MCC: variants seen among roughly 807,000 people sequenced by gnomAD.
MCC encodes colorectal mutant cancer protein.
MCC carries 90 observed loss-of-function variants against 116.2 expected under a neutral mutation model. The observed-to-expected ratio is 0.77, with a 90% CI of 0.65 to 0.92. The LOEUF (loss-of-function observed/expected upper bound fraction) is 0.92, where lower values mean the gene tolerates loss of function less well. MCC is among the 40% of genes least tolerant of loss of function. The pLI is 0.00. For synonymous variants in MCC, 578 were observed against 510.5 expected, an observed-to-expected ratio of 1.13 and a Z score of -1.78; for missense variants, 1,516 against 1,312.2, an observed-to-expected ratio of 1.16 and a Z score of -2.40.
chr5:113,468,671 T>C (rs1223744801), intron 1 of MCC, among the ~76,000 whole-genome samples: 2 of 152,238 alleles, frequency 1.3e-5, no homozygotes, highest in East Asian at 1.9e-4. Context: ...TGCCCGGCTT[T>C]GGTATCAAGA....
intron 8 of MCC, among the ~76,000 whole-genome samples, chr5:113,094,075 G>C (rs1290559357): frequency 2.0e-5 from 3 of 149,808 alleles, no homozygotes; most frequent in African/African-American, 7.4e-5. Flanking sequence ...TCCAGGGTTT[G>C]TAGATATTTT....
intron 3 of MCC, among the ~76,000 whole-genome samples, chr5:113,290,054 T>C (rs1158404247): frequency 6.6e-6 from 1 of 152,252 alleles, no homozygotes; most frequent in Non-Finnish European, 1.5e-5. Flanking sequence ...ACAGCACAGC[T>C]GCGAGCTGGC....
intron 5 of MCC, among the ~76,000 whole-genome samples, chr5:113,129,206 A>G (rs896041917): frequency 2.6e-5 from 4 of 152,284 alleles, no homozygotes; most frequent in African/African-American, 4.8e-5. Flanking sequence ...AGAGTTTAGG[A>G]TAGGAGCCCA....
chr5:113,402,167 G>A (rs1408710460), intron 1 of MCC, among the ~76,000 whole-genome samples: 4 of 151,926 alleles, frequency 2.6e-5, no homozygotes, highest in African/African-American at 7.3e-5. Context: ...AGTGGCAGGC[G>A]CCTGTAGTCC....
At chr5:113,188,062 C>T (rs950278054) in intron 3 of MCC, among the ~76,000 whole-genome samples, 7 of 152,090 alleles carry the variant, frequency 4.6e-5, no homozygotes, top group African/African-American at 7.2e-5. Context: ...CTCTCACTCC[C>T]GGGGTTTTTG....
At chr5:113,338,492 G>C (rs1453916583) in intron 3 of MCC, among the ~76,000 whole-genome samples, 1 of 152,198 alleles carries the variant, frequency 6.6e-6, no homozygotes, top group Non-Finnish European at 1.5e-5. Flanking sequence ...GTCATACAGA[G>C]ATAGGAAACA....
chr5:113,166,145 C>T (rs1760756287), intron 3 of MCC, among the ~76,000 whole-genome samples: 1 of 152,072 alleles, frequency 6.6e-6, no homozygotes, highest in African/African-American at 2.4e-5. Context: ...CAGAAAAATT[C>T]CCTAAAGCTG....
At position 113,457,532 on chromosome 5, in the gene MCC, G is replaced by A. The variant is rs190406260; in HGVS notation, c.170+30713C>T. 2.4e-4 allele frequency among the ~76,000 whole-genome samples: 37 copies of A among 152,350 alleles called. 1 individual carries two copies. The highest frequency in any genetic ancestry group is 1.9e-3 in the East Asian group (10 of 5,184). ...CACCCAAGCGCTGAGGAGTGCGAGC[G>A]CATGGCGTGGGACTGGCAGGCAGCT... On this transcript the variant is annotated intron_variant, in intron 1 of 18. Coordinates refer to ENST00000408903, the MANE Select transcript of MCC (RefSeq NM_001085377.2).
chr5:113,300,912 C>A (rs1305288021), intron 3 of MCC, among the ~76,000 whole-genome samples: 1 of 152,206 alleles, frequency 6.6e-6, no homozygotes, highest in East Asian at 1.9e-4. Context: ...ATCCTCATCT[C>A]TATATCCTCA....
chr5:113,121,330 G>A (rs1327224484), intron 6 of MCC, among the ~76,000 whole-genome samples: 5 of 152,104 alleles, frequency 3.3e-5, no homozygotes, highest in Admixed American at 2.0e-4. Context: ...GCTTCTTGTG[G>A]ATCTTTGGGT....
At chr5:113,213,209 G>A (rs1284869020) in intron 3 of MCC, among the ~76,000 whole-genome samples, 2 of 152,036 alleles carry the variant, frequency 1.3e-5, no homozygotes, top group South Asian at 2.1e-4. Context: ...CTAACTTTCC[G>A]CTGAAAAAGT....
chr5:113,210,211 C>T (rs1383225834), intron 3 of MCC, among the ~76,000 whole-genome samples: 4 of 112,068 alleles, frequency 3.6e-5, no homozygotes, highest in African/African-American at 4.9e-5. Flanking sequence ...CTTTTCCCCT[C>T]CCAGAGAAGT....
At chr5:113,099,457 G>T (rs1310577299) in intron 8 of MCC, among the ~76,000 whole-genome samples, 1 of 152,172 alleles carries the variant, frequency 6.6e-6, no homozygotes, top group Non-Finnish European at 1.5e-5. Flanking sequence ...CACTCGACAG[G>T]TAACTATATA....
intron 1 of MCC, among the ~76,000 whole-genome samples, chr5:113,405,331 G>A (rs1377150738): frequency 2.6e-5 from 4 of 152,202 alleles, no homozygotes; most frequent in Non-Finnish European, 5.9e-5. Context: ...ATCTTCTGCA[G>A]GTGACTTATG....
At chr5:113,336,487 G>A (rs1392366964) in intron 3 of MCC, among the ~76,000 whole-genome samples, 1 of 151,584 alleles carries the variant, frequency 6.6e-6, no homozygotes, top group Non-Finnish European at 1.5e-5. Flanking sequence ...GTTGGACATG[G>A]TAAGACACAG....
At chr5:113,458,575 G>A (rs1192287914) in intron 1 of MCC, among the ~76,000 whole-genome samples, 1 of 152,196 alleles carries the variant, frequency 6.6e-6, no homozygotes, top group African/African-American at 2.4e-5. Flanking sequence ...ATGTAAAAAT[G>A]ATGCAAATGT....
chr5:113,397,754 A>T (rs1157137337), intron 1 of MCC, among the ~76,000 whole-genome samples: 6 of 152,210 alleles, frequency 3.9e-5, no homozygotes, highest in Admixed American at 3.3e-4. Context: ...AAACCTAGGA[A>T]ATACTCTTCT....
chr5:113,437,419 C>T (rs925591366), intron 1 of MCC, among the ~76,000 whole-genome samples: 4 of 152,186 alleles, frequency 2.6e-5, no homozygotes, highest in Non-Finnish European at 1.5e-5. Flanking sequence ...TCCTTTACCC[C>T]TGTTATGTTC....
At chr5:113,271,140 CT>C (rs1470079250) in intron 3 of MCC, among the ~76,000 whole-genome samples, 1 of 152,110 alleles carries the variant, frequency 6.6e-6, no homozygotes. Flanking sequence ...TCTAAGAGGC[CT>C]TTGTTTACAT....
Sources: gnomAD v4.1 joint callset for allele counts (sites outside exome capture counted in the v4.1 genomes callset) on GRCh38, gnomAD v4.1.1 for gene constraint, MANE v1.5 for transcripts, NCBI Gene and HGNC (gene_info 2026-07-23, HGNC 2026-07-21) for gene names.